The following HFM1 variants were observed in gnomAD, a reference collection of about 807,000 sequenced individuals.
HFM1 encodes the protein probable ATP-dependent DNA helicase HFM1.
In HFM1, 169 loss-of-function variants were observed where a neutral mutation model predicts 192.1. That is an observed-to-expected ratio of 0.88 (90% confidence interval 0.78 to 1.00). The LOEUF (loss-of-function observed/expected upper bound fraction) is 1.00. HFM1 is among the 50% of genes least tolerant of loss of function. The pLI, the probability that HFM1 is intolerant of heterozygous loss-of-function variation, is 0.00. For missense variants in HFM1, 1,661 were observed against 1,668.0 expected, an observed-to-expected ratio of 1.00 and a Z score of 0.07; for synonymous variants, 525 against 537.8, an observed-to-expected ratio of 0.98 and a Z score of 0.33.
chr1:91,361,705 G>A (rs1042542084), intron 13 of HFM1, among the ~76,000 whole-genome samples: 1 of 152,142 alleles, frequency 6.6e-6, no homozygotes, highest in Non-Finnish European at 1.5e-5. Flanking sequence ...CCATTTATGA[G>A]GCCAGCATCA....
chr1:91,282,800 T>C (rs1212908298), intron 30 of HFM1, among the ~76,000 whole-genome samples: 1 of 152,196 alleles, frequency 6.6e-6, no homozygotes, highest in Non-Finnish European at 1.5e-5. Context: ...CAAGTTGCTG[T>C]TTTAAAATGA....
intron 25 of HFM1, 48 bp from the exon 26 acceptor site, chr1:91,316,524 T>A: frequency 1.2e-6 from 1 of 805,210 alleles, no homozygotes; most frequent in Non-Finnish European, 1.9e-6. Context: ...GCACTTTAAA[T>A]AAAACATATA....
chr1:91,404,429 C>G (rs1312577676), intron 1 of HFM1, among the ~76,000 whole-genome samples: 2 of 152,232 alleles, frequency 1.3e-5, no homozygotes, highest in Non-Finnish European at 2.9e-5. Flanking sequence ...ACGTCCCCCC[C>G]AGCGCTCGCT....
chr1:91,313,311 T>TG lies in HFM1; in HGVS notation c.3391+37dup, dbSNP rs760660362. On this transcript the variant is annotated intron_variant, in intron 30 of 38. Transcript: ENST00000370425. ...TGATACTCCTTCCTAGCCATATCTT[T>TG]GCTTTAATATAAAATAGGAATTAAT... The TG allele has an allele frequency of 3.4e-5, 43 of 1,263,072 alleles. No individual in the cohort carries two copies. The African/African-American group carries it at 5.4e-4, about 16-fold the overall frequency. The allele number at this position is 1,263,072 out of a possible 1,614,324, so 78.2% of individuals were successfully genotyped here.
chr1:91,326,784 C>A (rs899416088), intron 20 of HFM1, among the ~76,000 whole-genome samples: 26 of 149,774 alleles, frequency 1.7e-4, no homozygotes, highest in Middle Eastern at 6.8e-3. Context: ...ATGAAGCAAT[C>A]AAAAATAATA....
At chr1:91,323,237 A>T (rs779560728) in intron 21 of HFM1, 38 bp from the exon 22 acceptor site, 1 of 1,065,112 alleles carries the variant, frequency 9.4e-7, no homozygotes, top group South Asian at 1.4e-5. Context: ...AATGAAGTCT[A>T]TTTTTTATTT....
In HFM1 at chr1:91,353,241, T is replaced by A; in HGVS notation, c.1729+15A>T. 6.3e-7 allele frequency: 1 copy of A among 1,583,394 alleles called. No individual in the cohort carries two copies. Among genetic ancestry groups the A allele is most frequent in the Non-Finnish European group, 8.7e-7 (1 of 1,154,228 alleles). ...ATATGTGAAAATGCTATTCAAAAATTATCTCTAAACCTACCTCTCAGTTTT... is the reference window on the plus strand; with the variant it reads ...ATATGTGAAAATGCTATTCAAAAATAATCTCTAAACCTACCTCTCAGTTTT... On this transcript the variant is annotated intron_variant, in intron 14 of 38. Coordinates refer to ENST00000370425, the MANE Select transcript of HFM1 (RefSeq NM_001017975.6).
chr1:91,324,329 A>G (rs1391697800), intron 21 of HFM1, among the ~76,000 whole-genome samples: 2 of 152,184 alleles, frequency 1.3e-5, no homozygotes, highest in East Asian at 1.9e-4. Flanking sequence ...CTAATATATC[A>G]CACCACATCA....
chr1:91,362,217 T>C lies in HFM1; in HGVS notation c.1686-8918A>G, dbSNP rs1044266435. ...AGGGCAATCAGGAAAGAGAAAGAAA[T>C]ACAGGTATTTAAATAGGAAGAGAGG... On this transcript the variant is annotated intron_variant, in intron 13 of 38. Coordinates refer to ENST00000370425, the MANE Select transcript of HFM1 (RefSeq NM_001017975.6). 2.6e-5 allele frequency among the ~76,000 whole-genome samples: 4 copies of C among 152,092 alleles called. No individual in the cohort carries two copies. The South Asian group carries it at 6.2e-4, about 24-fold the overall frequency.
At chr1:91,361,601 C>T (rs1658531434) in intron 13 of HFM1, among the ~76,000 whole-genome samples, 1 of 152,102 alleles carries the variant, frequency 6.6e-6, no homozygotes, top group African/African-American at 2.4e-5. Flanking sequence ...CAGAAAGATC[C>T]ACAGCTAAAT....
At chr1:91,354,598 A>G (rs935493316) in intron 13 of HFM1, among the ~76,000 whole-genome samples, 8 of 152,104 alleles carry the variant, frequency 5.3e-5, no homozygotes, top group Non-Finnish European at 1.0e-4. Flanking sequence ...TAGCAAGAGA[A>G]AAGTGTCAAG....
chr1:91,310,569 C>A lies in HFM1; in HGVS notation c.3391+2780G>T, dbSNP rs141337653. The stretch of plus-strand genomic sequence containing the variant: ...TATACTGACATGGTTTGGCTGTGTC[C>A]CCACCAAAATCTCAACTTGAATTGT... On this transcript the variant is annotated intron_variant, in intron 30 of 38. Coordinates refer to ENST00000370425, the MANE Select transcript of HFM1 (RefSeq NM_001017975.6). Among the ~76,000 whole-genome samples the A allele has an allele frequency of 2.3e-3, 344 of 152,190 alleles. 1 individual carries two copies. The highest frequency in any genetic ancestry group is 7.9e-3 in the African/African-American group (326 of 41,520).
intron 28 of HFM1, 23 bp from the exon 29 acceptor site, chr1:91,314,083 T>C: frequency 1.4e-6 from 2 of 1,399,448 alleles, no homozygotes; most frequent in Non-Finnish European, 2.0e-6. Flanking sequence ...ATAGTTTAAA[T>C]AGTGATCCAA....
At chr1:91,397,209 T>C (rs1663767336) in intron 2 of HFM1, among the ~76,000 whole-genome samples, 1 of 152,222 alleles carries the variant, frequency 6.6e-6, no homozygotes, top group Non-Finnish European at 1.5e-5. Context: ...GTCCAAACCA[T>C]CTACAAACTA....
intron 34 of HFM1, among the ~76,000 whole-genome samples, chr1:91,268,749 T>C (rs923763579): frequency 5.3e-5 from 8 of 152,214 alleles, no homozygotes; most frequent in African/African-American, 1.9e-4. Context: ...TAATTGATTC[T>C]CATTGAATGT....
chr1:91,332,410 A>T (rs1166276546), intron 20 of HFM1, among the ~76,000 whole-genome samples: 1 of 152,162 alleles, frequency 6.6e-6, no homozygotes, highest in Admixed American at 6.5e-5. Flanking sequence ...ATGCAGAAAA[A>T]TGAAACTAGA....
chr1:91,373,934 T>C (rs1368931371), intron 13 of HFM1, among the ~76,000 whole-genome samples: 1 of 152,064 alleles, frequency 6.6e-6, no homozygotes, highest in Non-Finnish European at 1.5e-5. Context: ...GTTGATAATC[T>C]AATTAATAGA....
chr1:91,335,346 C>T (rs534711687), intron 20 of HFM1, among the ~76,000 whole-genome samples: 2 of 151,954 alleles, frequency 1.3e-5, no homozygotes, highest in Non-Finnish European at 2.9e-5. Context: ...GTCCTCTTAC[C>T]CTAAATATTT....
intron 13 of HFM1, among the ~76,000 whole-genome samples, chr1:91,355,312 T>A (rs1229433577): frequency 6.6e-6 from 1 of 151,954 alleles, no homozygotes; most frequent in East Asian, 1.9e-4. Flanking sequence ...ACAACTGATC[T>A]ACCAAGCAAC....
Sources: allele counts gnomAD v4.1 joint callset (sites outside exome capture counted in the v4.1 genomes callset), GRCh38; gene constraint gnomAD v4.1.1; transcripts MANE v1.5; gene names NCBI Gene and HGNC (gene_info 2026-07-23, HGNC 2026-07-21).